EPB41L4A: variants seen among roughly 807,000 people sequenced by gnomAD.
The protein encoded by EPB41L4A is band 4.1-like protein 4A.
In EPB41L4A, 100 loss-of-function variants were observed where a neutral mutation model predicts 108.6. The observed-to-expected ratio is 0.92, with a 90% CI of 0.78 to 1.09. EPB41L4A has a LOEUF of 1.09. EPB41L4A is among the 50% of genes least tolerant of loss of function. EPB41L4A has a pLI of 0.00. For missense variants in EPB41L4A, 1,030 were observed against 842.7 expected, an observed-to-expected ratio of 1.22 and a Z score of -2.75; for synonymous variants, 319 against 289.0, an observed-to-expected ratio of 1.10 and a Z score of -1.05.
chr5:112,237,993 CTAA>C (rs1277245935), intron 11 of EPB41L4A, among the ~76,000 whole-genome samples: 6 of 152,160 alleles, frequency 3.9e-5, no homozygotes, highest in African/African-American at 1.4e-4. Context: ...CAATAACTTC[CTAA>C]TAATAATTCC....
intron 3 of EPB41L4A, among the ~76,000 whole-genome samples, chr5:112,278,633 T>C (rs1752762641): frequency 6.6e-6 from 1 of 152,148 alleles, no homozygotes; most frequent in South Asian, 2.1e-4. Flanking sequence ...TTTCATACCA[T>C]GTAAATAAGT....
intron 9 of EPB41L4A, chr5:112,256,799 A>C (rs1398401904): frequency 1.3e-5 from 2 of 152,206 alleles, no homozygotes; most frequent in Non-Finnish European, 2.9e-5. Flanking sequence ...ACTGTATCAA[A>C]ATATTAATAT....
intron 17 of EPB41L4A, among the ~76,000 whole-genome samples, chr5:112,191,785 T>G (rs2288396): frequency 6.6e-6 from 1 of 151,782 alleles, no homozygotes; most frequent in Admixed American, 6.6e-5. Context: ...TTCCAATGGA[T>G]ACATCACGGG....
chr5:112,358,999 A>C (rs1758541761), intron 1 of EPB41L4A, among the ~76,000 whole-genome samples: 2 of 152,228 alleles, frequency 1.3e-5, no homozygotes, highest in South Asian at 4.1e-4. Flanking sequence ...ATTAGCCTAA[A>C]GGGCTAAAAT....
intron 12 of EPB41L4A, among the ~76,000 whole-genome samples, chr5:112,221,645 G>A (rs976992580): frequency 2.0e-5 from 3 of 152,092 alleles, no homozygotes; most frequent in Non-Finnish European, 2.9e-5. Flanking sequence ...TACAGATTAG[G>A]GGCCAAGCTT....
At chr5:112,203,779 C>T (rs1427983424) in intron 15 of EPB41L4A, among the ~76,000 whole-genome samples, 4 of 152,088 alleles carry the variant, frequency 2.6e-5, no homozygotes, top group Non-Finnish European at 5.9e-5. Context: ...CAGTGGCTTA[C>T]ACCTGTAATC....
chr5:112,272,068 T>C (rs563931832), intron 4 of EPB41L4A, among the ~76,000 whole-genome samples: 1 of 152,190 alleles, frequency 6.6e-6, no homozygotes, highest in East Asian at 1.9e-4. Flanking sequence ...TCAGTGTCCT[T>C]CTGAAATACT....
intron 13 of EPB41L4A, among the ~76,000 whole-genome samples, chr5:112,145,473 A>G (rs558218916): frequency 6.6e-6 from 1 of 152,346 alleles, no homozygotes; most frequent in African/African-American, 2.4e-5. Context: ...AATAAAAATA[A>G]GTTAACTCTG....
chr5:112,263,255 TGA>T (rs145750369), intron 6 of EPB41L4A, among the ~76,000 whole-genome samples: 2 of 151,558 alleles, frequency 1.3e-5, no homozygotes, highest in Non-Finnish European at 2.9e-5. Flanking sequence ...TGTGAGTGTG[TGA>T]GAGAGAGAGA....
intron 3 of EPB41L4A, among the ~76,000 whole-genome samples, chr5:112,276,759 T>C (rs1752654380): frequency 6.6e-6 from 1 of 152,208 alleles, no homozygotes; most frequent in South Asian, 2.1e-4. Context: ...ATTTATAACA[T>C]ATGAACTATG....
intron 1 of EPB41L4A, among the ~76,000 whole-genome samples, chr5:112,387,886 T>C (rs1220450182): frequency 2.6e-5 from 4 of 152,208 alleles, no homozygotes; most frequent in South Asian, 4.1e-4. Context: ...AGTCATAACA[T>C]ACACTTTCTA....
chr5:112,167,091 C>A (rs1760290939), intron 22 of EPB41L4A, among the ~76,000 whole-genome samples: 1 of 122,938 alleles, frequency 8.1e-6, no homozygotes, highest in Non-Finnish European at 1.6e-5. Flanking sequence ...ATAAAAATTA[C>A]TACTTGTATT....
chr5:112,176,743 C>CTTTTTT (rs59150913), intron 18 of EPB41L4A, among the ~76,000 whole-genome samples: 3 of 65,848 alleles, frequency 4.6e-5, no homozygotes, highest in Non-Finnish European at 8.1e-5. Context: ...ACCAGAGCAA[C>CTTTTTT]TTTTTTTTTT....
At chr5:112,176,177 G>A (rs992303508) in intron 18 of EPB41L4A, among the ~76,000 whole-genome samples, 1 of 152,150 alleles carries the variant, frequency 6.6e-6, no homozygotes, top group African/African-American at 2.4e-5. Context: ...TCCTAAGAGC[G>A]TGGTACCATC....
chr5:112,283,361 A>G (rs1427185379), intron 2 of EPB41L4A, among the ~76,000 whole-genome samples: 2 of 152,194 alleles, frequency 1.3e-5, no homozygotes, highest in Non-Finnish European at 2.9e-5. Context: ...AGAAGCCAAG[A>G]TCTTGAAATG....
At chr5:112,167,639 T>G (rs1298757559) in intron 22 of EPB41L4A, among the ~76,000 whole-genome samples, 3 of 152,174 alleles carry the variant, frequency 2.0e-5, no homozygotes, top group Non-Finnish European at 4.4e-5. Context: ...CAAAGTAGAA[T>G]GAATTTGAAG....
At chr5:112,219,945 C>G (rs1445109876) in intron 12 of EPB41L4A, among the ~76,000 whole-genome samples, 1 of 152,220 alleles carries the variant, frequency 6.6e-6, no homozygotes, top group Non-Finnish European at 1.5e-5. Flanking sequence ...ATCCACCCAC[C>G]TTGGCCTCCC....
intron 1 of EPB41L4A, among the ~76,000 whole-genome samples, chr5:112,360,751 G>A (rs572982238): frequency 3.3e-5 from 5 of 152,256 alleles, no homozygotes; most frequent in African/African-American, 9.6e-5. Context: ...GAAGTGAGGA[G>A]CGCCTCTTCC....
intron 22 of EPB41L4A, among the ~76,000 whole-genome samples, chr5:112,167,338 G>A (rs2150194272): frequency 6.6e-6 from 1 of 152,264 alleles, no homozygotes; most frequent in East Asian, 1.9e-4. Context: ...AAAAAGTACT[G>A]TCAACTTTAA....
Sources: gnomAD v4.1 joint callset for allele counts (sites outside exome capture counted in the v4.1 genomes callset) on GRCh38, gnomAD v4.1.1 for gene constraint, MANE v1.5 for transcripts, NCBI Gene and HGNC (gene_info 2026-07-23, HGNC 2026-07-21) for gene names.